Variants in TSNARE1 observed in about 807,000 individuals in gnomAD.
TSNARE1 encodes t-SNARE domain-containing protein 1.
TSNARE1 carries 49 observed loss-of-function variants against 62.0 expected under a neutral mutation model. The ratio of observed to expected loss-of-function variants is 0.79; its 90% CI spans 0.63 to 1.00. The LOEUF (loss-of-function observed/expected upper bound fraction) is 1.00. Among genes scored for constraint, TSNARE1 ranks in the 50% least tolerant of loss-of-function variants. The pLI, the probability that TSNARE1 is intolerant of heterozygous loss-of-function variation, is 0.00. For synonymous variants in TSNARE1, 328 were observed against 294.4 expected, an observed-to-expected ratio of 1.11 and a Z score of -1.17; for missense variants, 755 against 700.1, an observed-to-expected ratio of 1.08 and a Z score of -0.88.
chr8:142,236,083 C>T (rs1192624965), intron 12 of TSNARE1, among the ~76,000 whole-genome samples: 1 of 152,178 alleles, frequency 6.6e-6, no homozygotes, highest in Admixed American at 6.5e-5. Flanking sequence ...AGCCTCACCG[C>T]GTGGCCATGA....
intron 6 of TSNARE1, among the ~76,000 whole-genome samples, chr8:142,325,381 C>T (rs548103724): frequency 1.1e-4 from 16 of 152,308 alleles, no homozygotes; most frequent in Admixed American, 2.6e-4. Flanking sequence ...TTTTAAAGAT[C>T]GCTTTGAGCT....
chr8:142,250,933 G>A (rs992226356), intron 12 of TSNARE1, among the ~76,000 whole-genome samples: 6 of 152,200 alleles, frequency 3.9e-5, no homozygotes, highest in Non-Finnish European at 7.4e-5. Context: ...GTCCAGGCCC[G>A]AGGCCTGACC....
rs543862204 is a variant in TSNARE1 at position 142,275,594 on chromosome 8, C to T, written c.1364-731G>A. ...TGGGCACCAGGAGCGCAGGCACAGC[C>T]GGGGTCCTCAACAGAGCCACATGCA... On this transcript the variant is annotated intron_variant, in intron 11 of 13. Transcript: ENST00000524325. 123 of 985,430 alleles carry T rather than the reference C, an allele frequency of 1.2e-4. 1 individual carries two copies. In the East Asian group the frequency reaches 3.4e-3, roughly 27 times the overall value. 61.0% of individuals were successfully genotyped at this position (985,430 alleles called of 1,614,324 possible).
intron 12 of TSNARE1, among the ~76,000 whole-genome samples, chr8:142,246,094 T>C (rs1817872740): frequency 6.6e-6 from 1 of 151,900 alleles, no homozygotes. Context: ...AGCAGGAGAG[T>C]TCCCCACTCT....
intron 13 of TSNARE1, among the ~76,000 whole-genome samples, chr8:142,223,955 T>TAGCCTGG (rs56314953): frequency 0.9 from 136,055 of 151,958 alleles, 60,986 homozygotes; most frequent in Non-Finnish European, 0.92. Context: ...GGGAGGGCTT[T>TAGCCTGG]CTGCCAAGGG....
chr8:142,255,249 G>T (rs140552974), intron 12 of TSNARE1, among the ~76,000 whole-genome samples: 2 of 151,984 alleles, frequency 1.3e-5, no homozygotes, highest in Admixed American at 6.5e-5. Context: ...TAGTATGGAG[G>T]ACTCAACACC....
chr8:142,304,995 G>C (rs1018212254), intron 9 of TSNARE1, among the ~76,000 whole-genome samples: 6 of 152,204 alleles, frequency 3.9e-5, no homozygotes, highest in African/African-American at 9.6e-5. Context: ...TGAGGTAAGA[G>C]GTCCCCGGGG....
intron 7 of TSNARE1, among the ~76,000 whole-genome samples, chr8:142,318,144 C>T (rs973269770): frequency 4.6e-5 from 7 of 152,098 alleles, no homozygotes; most frequent in Non-Finnish European, 8.8e-5. Context: ...GGAGGGTGCA[C>T]GTGCAGGTGG....
chr8:142,380,721 GAA>G (rs1183628549), intron 1 of TSNARE1, among the ~76,000 whole-genome samples: 3 of 152,136 alleles, frequency 2.0e-5, no homozygotes, highest in Admixed American at 6.5e-5. Flanking sequence ...ACCCGTAACG[GAA>G]AAAAGACTGC....
chr8:142,367,560 A>T (rs1429397377), intron 1 of TSNARE1, among the ~76,000 whole-genome samples: 1 of 152,212 alleles, frequency 6.6e-6, no homozygotes, highest in Admixed American at 6.5e-5. Context: ...CTGCTAATAT[A>T]TGTGGGCTTT....
chr8:142,354,355 G>A (rs576212222), intron 2 of TSNARE1, among the ~76,000 whole-genome samples: 2 of 152,038 alleles, frequency 1.3e-5, no homozygotes, highest in South Asian at 2.1e-4. Flanking sequence ...CAAACACCCC[G>A]AGCACCACCC....
intron 12 of TSNARE1, among the ~76,000 whole-genome samples, chr8:142,241,096 G>A (rs147686512): frequency 2.6e-5 from 4 of 152,254 alleles, no homozygotes; most frequent in East Asian, 3.9e-4. Flanking sequence ...GTTTGCAGAC[G>A]ACATGGTCTT....
chr8:142,314,644 C>T (rs1221249911), intron 8 of TSNARE1, among the ~76,000 whole-genome samples: 2 of 152,032 alleles, frequency 1.3e-5, no homozygotes, highest in Non-Finnish European at 2.9e-5. Context: ...CCAGAAGAGG[C>T]TGCCAGGGCC....
At chr8:142,361,462 G>A (rs556773389) in intron 1 of TSNARE1, among the ~76,000 whole-genome samples, 3 of 152,286 alleles carry the variant, frequency 2.0e-5, no homozygotes, top group East Asian at 1.9e-4. Context: ...GGCAAGAAGC[G>A]GCGCTGCCTC....
chr8:142,260,532 G>A (rs1818806684), intron 12 of TSNARE1, among the ~76,000 whole-genome samples: 1 of 152,168 alleles, frequency 6.6e-6, no homozygotes, highest in African/African-American at 2.4e-5. Flanking sequence ...TGTTGGCCTT[G>A]GATTAACTCA....
intron 4 of TSNARE1, among the ~76,000 whole-genome samples, chr8:142,334,793 T>C (rs1351521279): frequency 6.6e-6 from 1 of 152,186 alleles, no homozygotes; most frequent in African/African-American, 2.4e-5. Flanking sequence ...AATGGAAGGA[T>C]GTCTTTAAAG....
At chr8:142,372,217 C>G (rs1007798855) in intron 1 of TSNARE1, among the ~76,000 whole-genome samples, 1 of 152,180 alleles carries the variant, frequency 6.6e-6, no homozygotes, top group Non-Finnish European at 1.5e-5. Flanking sequence ...AGCCTGACCC[C>G]GCAGGTCCGC....
chr8:142,270,669 T>A, intron 12 of TSNARE1: 1 of 985,336 alleles, frequency 1.0e-6, no homozygotes, highest in African/African-American at 1.7e-5. Flanking sequence ...GCTTGGGACC[T>A]TTTTAGAGCC....
chr8:142,275,542 C>T, intron 11 of TSNARE1: 1 of 985,434 alleles, frequency 1.0e-6, no homozygotes, highest in Non-Finnish European at 1.2e-6. Flanking sequence ...GCATTGTCTT[C>T]CACCCAAAGG....
Sources: gnomAD v4.1 joint callset for allele counts (sites outside exome capture counted in the v4.1 genomes callset) on GRCh38, gnomAD v4.1.1 for gene constraint, MANE v1.5 for transcripts, NCBI Gene and HGNC (gene_info 2026-07-23, HGNC 2026-07-21) for gene names.